ATR: variants seen among roughly 807,000 people sequenced by gnomAD.
ATR encodes ATR checkpoint kinase, also known as serine/threonine-protein kinase ATR.
A neutral mutation model predicts 305.3 loss-of-function variants in ATR; 142 were observed. The ratio of observed to expected loss-of-function variants is 0.47; its 90% CI spans 0.41 to 0.53. The LOEUF is 0.53. ATR is among the 20% of genes least tolerant of loss of function. ATR has a pLI of 0.00. For missense variants in ATR, 2,135 were observed against 3,133.1 expected (o/e 0.68, Z 7.60); for synonymous variants, 1,050 against 1,068.1 (o/e 0.98, Z 0.33).
intron 21 of ATR, among the ~76,000 whole-genome samples, chr3:142,527,918 A>G (rs762614482): frequency 3.9e-5 from 6 of 152,110 alleles, no homozygotes; most frequent in Non-Finnish European, 7.4e-5. Context: ...GCAACCATTA[A>G]TCTACTTTCT....
At chr3:142,460,468 G>C (rs1012714230) in intron 42 of ATR, among the ~76,000 whole-genome samples, 2 of 152,034 alleles carry the variant, frequency 1.3e-5, no homozygotes, top group Non-Finnish European at 2.9e-5. Context: ...CAGAGACATA[G>C]AGAGAATGCT....
rs1577509763 is a variant in ATR at position 142,467,937 on chromosome 3, T to C, written c.6684A>G (p.Lys2228=). 1 of 1,612,676 alleles carries C rather than the reference T, an allele frequency of 6.2e-7. No individual in the cohort carries two copies. ...LTDKLLELCN[K]PVDGSSSTLS... ...AGCACTAAGATTATGATAGTACCGGTTTATTGCACAATTCTAGAAGCTTAT... is the reference window on the plus strand; with the variant it reads ...AGCACTAAGATTATGATAGTACCGGCTTATTGCACAATTCTAGAAGCTTAT... Residue 2228 remains lysine, a synonymous_variant, in exon 39 of 47, where the codon AAA becomes AAG. Transcript: ENST00000350721.
intron 34 of ATR, 77 bp downstream of exon 34, chr3:142,496,268 TAATTCCCGACTATATA>T: frequency 3.8e-6 from 1 of 261,988 alleles, no homozygotes; most frequent in Non-Finnish European, 5.7e-6. Context: ...AGGAAGTACA[TAATTCCCGACTATATA>T]TATATATATA....
At chr3:142,543,326 G>C (rs2034125276) in intron 16 of ATR, among the ~76,000 whole-genome samples, 1 of 151,874 alleles carries the variant, frequency 6.6e-6, no homozygotes. Flanking sequence ...GAAGTAAACA[G>C]AGTTCCTTCC....
chr3:142,498,522 TA>T, intron 32 of ATR, 74 bp downstream of exon 32: 1 of 1,425,068 alleles, frequency 7.0e-7, no homozygotes, highest in Non-Finnish European at 9.7e-7. Flanking sequence ...ATCAATTATT[TA>T]CTCAAAAAAA....
intron 36 of ATR, among the ~76,000 whole-genome samples, chr3:142,477,891 T>C (rs2030020288): frequency 6.6e-6 from 1 of 152,264 alleles, no homozygotes; most frequent in African/African-American, 2.4e-5. Context: ...GAGGTGTTTA[T>C]AGTATTCTCT....
intron 29 of ATR, among the ~76,000 whole-genome samples, chr3:142,504,701 G>A (rs1220848929): frequency 6.6e-6 from 1 of 152,000 alleles, no homozygotes; most frequent in Non-Finnish European, 1.5e-5. Flanking sequence ...TGACCTCGGG[G>A]AATCCACCCG....
chr3:142,499,541 G>A lies in ATR; in HGVS notation c.5380+86C>T, dbSNP rs565577588. ...GATCTCCTGACCTCATGATCCGCCC[G>A]CCTCAGCCGCCCAAAGTGCTGGGAT... On this transcript the variant is annotated intron_variant, in intron 31 of 46. Transcript: ENST00000350721. 9.2e-4 allele frequency: 1,119 copies of A among 1,220,248 alleles called. 12 individuals carry two copies. In the African/African-American group the frequency reaches 0.015, roughly 17 times the overall value. The allele number at this position is 1,220,248 out of a possible 1,614,324, so 75.6% of individuals were successfully genotyped here. A position where few individuals can be genotyped will look rare whatever the true frequency, so the allele number is the denominator to read the frequency against.
intron 3 of ATR, among the ~76,000 whole-genome samples, chr3:142,563,671 A>G (rs1447804756): frequency 6.6e-6 from 1 of 152,164 alleles, no homozygotes; most frequent in Non-Finnish European, 1.5e-5. Context: ...AATGGCCTCT[A>G]TGTGTTCAAA....
At chr3:142,497,914 G>A (rs1006755068) in intron 32 of ATR, among the ~76,000 whole-genome samples, 3 of 152,122 alleles carry the variant, frequency 2.0e-5, no homozygotes, top group African/African-American at 7.2e-5. Flanking sequence ...CCCCTTGTAT[G>A]ATAGTCAGTG....
chr3:142,516,850 A>G (rs1300725043), intron 24 of ATR, among the ~76,000 whole-genome samples: 1 of 152,000 alleles, frequency 6.6e-6, no homozygotes. Flanking sequence ...TTAACATTTA[A>G]ACATGTTCAC....
chr3:142,496,572 A>C (rs2031661405), intron 33 of ATR, 52 bp from the exon 34 acceptor site: 2 of 1,558,608 alleles, frequency 1.3e-6, no homozygotes, highest in African/African-American at 2.7e-5. Flanking sequence ...AAGTGTACAC[A>C]ACAACTTAAC....
intron 45 of ATR, among the ~76,000 whole-genome samples, chr3:142,455,883 C>T: frequency 6.6e-6 from 1 of 152,120 alleles, no homozygotes; most frequent in East Asian, 1.9e-4. Flanking sequence ...AAGAAAAAAA[C>T]AAATTAGACT....
rs140073791 is a variant in ATR at position 142,458,624 on chromosome 3, C to T, written c.7503+334G>A. Among the ~76,000 whole-genome samples the T allele has an allele frequency of 7.2e-3, 1,094 of 152,108 alleles. 8 individuals carry two copies. Among genetic ancestry groups the T allele is most frequent in the Non-Finnish European group, 0.01 (686 of 67,984 alleles). On this transcript the variant is annotated intron_variant, in intron 44 of 46. Coordinates refer to ENST00000350721, the MANE Select transcript of ATR (RefSeq NM_001184.4). ...ATATGTTGCTAGAATTGGAAACTAT[C>T]GTATTAAACTACTCTGTCTCTCTAA...
intron 13 of ATR, among the ~76,000 whole-genome samples, chr3:142,550,850 C>A (rs537577061): frequency 6.6e-6 from 1 of 151,988 alleles, no homozygotes; most frequent in African/African-American, 2.4e-5. Flanking sequence ...TGCAGAGGTG[C>A]GATCTTGGCT....
chr3:142,505,117 T>G (rs2108354931), intron 29 of ATR, 22 bp downstream of exon 29: 1 of 1,613,554 alleles, frequency 6.2e-7, no homozygotes, highest in Non-Finnish European at 8.5e-7. Flanking sequence ...TCATTACAGT[T>G]GCCTTTCAAT....
intron 13 of ATR, among the ~76,000 whole-genome samples, chr3:142,551,643 C>T (rs1328333891): frequency 6.6e-6 from 1 of 151,964 alleles, no homozygotes; most frequent in African/African-American, 2.4e-5. Flanking sequence ...AAAACTGGAC[C>T]CCTTCCTCAC....
At chr3:142,538,719 A>G (rs1422797104) in intron 18 of ATR, 94 bp from the exon 19 acceptor site, 1 of 1,469,634 alleles carries the variant, frequency 6.8e-7, no homozygotes, top group Non-Finnish European at 9.4e-7. Context: ...CATGATATAT[A>G]CAAACAATAG....
rs898812524 is a variant in ATR at position 142,510,502 on chromosome 3, A to C, written c.4852+1758T>G. On this transcript the variant is annotated intron_variant, in intron 27 of 46. Coordinates refer to ENST00000350721, the MANE Select transcript of ATR (RefSeq NM_001184.4). The stretch of plus-strand genomic sequence containing the variant: ...TTAAAAAACAAACATTCAATAGTTA[A>C]ATATAAAAATATATTAATAGCCACA... 5.9e-5 allele frequency among the ~76,000 whole-genome samples: 9 copies of C among 152,182 alleles called. No individual in the cohort carries two copies. In the East Asian group the frequency reaches 1.7e-3, roughly 29 times the overall value.
Sources: allele counts gnomAD v4.1 joint callset (sites outside exome capture counted in the v4.1 genomes callset), GRCh38; gene constraint gnomAD v4.1.1; transcripts MANE v1.5; gene names NCBI Gene and HGNC (gene_info 2026-07-23, HGNC 2026-07-21).